The following PRDM1 variants were observed in gnomAD, a reference collection of about 807,000 sequenced individuals.
PRDM1 encodes PR domain zinc finger protein 1.
Under a neutral mutation model 62.8 loss-of-function variants are expected in PRDM1, and 13 were observed. The observed-to-expected ratio is 0.21, with a 90% CI of 0.13 to 0.33. The LOEUF (loss-of-function observed/expected upper bound fraction) is 0.33. Ranked by LOEUF, PRDM1 falls within the 10% of genes least tolerant of loss-of-function variation. The pLI, the probability that PRDM1 is intolerant of heterozygous loss-of-function variation, is 1.00. For synonymous variants in PRDM1, 396 were observed against 417.6 expected, an observed-to-expected ratio of 0.95 and a Z score of 0.63; for missense variants, 895 against 1,058.8, an observed-to-expected ratio of 0.85 and a Z score of 2.15.
chr6:106,087,734 C>T (rs1452679294), intron 1 of PRDM1: 2 of 233,062 alleles, frequency 8.6e-6, no homozygotes, highest in Non-Finnish European at 1.7e-5. Context: ...GCACCACACG[C>T]GCTTTCCATT....
chr6:106,006,104 C>A (rs954304939), intron 1 of PRDM1, among the ~76,000 whole-genome samples: 1 of 152,170 alleles, frequency 6.6e-6, no homozygotes, highest in East Asian at 1.9e-4. Flanking sequence ...CGAAGGTGTC[C>A]GATTCCTCTG....
intron 1 of PRDM1, among the ~76,000 whole-genome samples, chr6:106,076,313 G>C (rs1424070574): frequency 6.6e-6 from 1 of 152,144 alleles, no homozygotes; most frequent in Non-Finnish European, 1.5e-5. Context: ...CATGATTGAA[G>C]TCTTAGGTGG....
In PRDM1 at chr6:106,022,677, G is replaced by A. The variant is rs140755716; in HGVS notation, c.-67+29038G>A. Among the ~76,000 whole-genome samples the A allele has an allele frequency of 2.8e-3, 428 of 151,966 alleles. 1 individual carries two copies. Among genetic ancestry groups the A allele is most frequent in the Non-Finnish European group, 4.5e-3 (308 of 67,976 alleles). On this transcript the variant is annotated intron_variant, in intron 1 of 6. Coordinates refer to the PRDM1 transcript ENST00000652320. ...TGAGTTCAAGTGATCTGCCCACCTC[G>A]GCCTCCCAAAGTGCTGGGATTACAG... is the stretch of plus-strand genomic sequence containing the variant.
chr6:106,055,782 A>G (rs1167633121), intron 1 of PRDM1, among the ~76,000 whole-genome samples: 1 of 152,176 alleles, frequency 6.6e-6, no homozygotes, highest in Admixed American at 6.6e-5. Context: ...GGTTCTGGAG[A>G]GTCATGGGTA....
chr6:106,062,634 T>C (rs1349007039), intron 1 of PRDM1, among the ~76,000 whole-genome samples: 3 of 152,228 alleles, frequency 2.0e-5, no homozygotes, highest in Non-Finnish European at 4.4e-5. Context: ...AGAAAAGGTT[T>C]TGAATAGCTT....
At chr6:106,031,015 A>ATT (rs1185282795) in intron 1 of PRDM1, among the ~76,000 whole-genome samples, 2 of 116,892 alleles carry the variant, frequency 1.7e-5, no homozygotes, top group Non-Finnish European at 3.7e-5. Flanking sequence ...TTTTTTTCTG[A>ATT]TTTTTTTTTC....
At chr6:106,090,482 T>G (rs975543241) in intron 2 of PRDM1, among the ~76,000 whole-genome samples, 1 of 152,232 alleles carries the variant, frequency 6.6e-6, no homozygotes, top group Non-Finnish European at 1.5e-5. Context: ...TAATACTGTC[T>G]TAAGCTTACT....
chr6:106,018,542 G>T (rs1423652534), intron 1 of PRDM1, among the ~76,000 whole-genome samples: 1 of 152,172 alleles, frequency 6.6e-6, no homozygotes, highest in Non-Finnish European at 1.5e-5. Context: ...GTTTTCTTCA[G>T]ACTCTTCTGG....
upstream of PRDM1, among the ~76,000 whole-genome samples, chr6:106,085,785 T>C (rs1773785835): frequency 6.9e-6 from 1 of 144,400 alleles, no homozygotes; most frequent in Admixed American, 7.5e-5. Flanking sequence ...TACTAAATAG[T>C]TAAAAGAGGA....
At chr6:106,073,105 C>CTTTTTTT (rs202236727) in intron 1 of PRDM1, among the ~76,000 whole-genome samples, 49 of 137,652 alleles carry the variant, frequency 3.6e-4, no homozygotes, top group African/African-American at 5.7e-4. Context: ...TTCCTCTTTT[C>CTTTTTTT]TTTTTTTTTT....
chr6:106,013,403 C>G (rs1772580689), intron 1 of PRDM1, among the ~76,000 whole-genome samples: 1 of 150,980 alleles, frequency 6.6e-6, no homozygotes, highest in Non-Finnish European at 1.5e-5. Flanking sequence ...TCTCAGCTCA[C>G]TGCAACCTCC....
At chr6:106,058,722 G>A (rs1310246576) in intron 1 of PRDM1, among the ~76,000 whole-genome samples, 1 of 152,054 alleles carries the variant, frequency 6.6e-6, no homozygotes. Flanking sequence ...ACAGGCATGC[G>A]CCACCATGCC....
At chr6:106,101,020 T>G (rs771010261) in intron 4 of PRDM1, among the ~76,000 whole-genome samples, 10 of 152,076 alleles carry the variant, frequency 6.6e-5, no homozygotes, top group Non-Finnish European at 1.3e-4. Flanking sequence ...CATCTGTGTA[T>G]GCCATGCCCA....
At chr6:106,062,174 C>A (rs1381401671) in intron 1 of PRDM1, among the ~76,000 whole-genome samples, 2 of 152,130 alleles carry the variant, frequency 1.3e-5, no homozygotes, top group African/African-American at 4.8e-5. Flanking sequence ...TATAGAGGTT[C>A]TTGATCATTT....
intron 1 of PRDM1, among the ~76,000 whole-genome samples, chr6:105,996,286 A>C (rs1029463422): frequency 6.6e-6 from 1 of 152,174 alleles, no homozygotes; most frequent in African/African-American, 2.4e-5. Context: ...CAAATTATCT[A>C]TAATTGTCAG....
chr6:106,025,716 T>C (rs569434340), intron 1 of PRDM1, among the ~76,000 whole-genome samples: 3 of 152,366 alleles, frequency 2.0e-5, no homozygotes, highest in Admixed American at 2.0e-4. Context: ...CATAGCATTA[T>C]TATGCATCAT....
intron 1 of PRDM1, among the ~76,000 whole-genome samples, chr6:106,059,074 A>G (rs1199772266): frequency 1.3e-5 from 2 of 152,206 alleles, no homozygotes; most frequent in African/African-American, 2.4e-5. Context: ...AAGATACAGC[A>G]GTAAAAACAA....
At chr6:106,099,222 G>A (rs192117390) in intron 3 of PRDM1, 78 bp from the exon 4 acceptor site, 91 of 1,603,630 alleles carry the variant, frequency 5.7e-5, no homozygotes, top group Admixed American at 1.2e-4. Context: ...ACACGGTACC[G>A]GCTGTGTTTA....
chr6:106,108,883 AC>A lies in PRDM1; in HGVS notation c.*1399del. On this transcript the variant is annotated 3_prime_UTR_variant, in exon 7 of 7. Coordinates refer to ENST00000369096, the MANE Select transcript of PRDM1 (RefSeq NM_001198.4). The stretch of plus-strand genomic sequence containing the variant: ...AATGATTTGCTTCTCTAGAGGAGAA[AC>A]CGAGTAAATGTGCTCCAGCAAGATA... The A allele has an allele frequency of 8.6e-6, 2 of 231,826 alleles. No individual in the cohort carries two copies. Among genetic ancestry groups the A allele is most frequent in the East Asian group, 1.2e-4 (2 of 16,400 alleles). 14.4% of individuals were successfully genotyped at this position (231,826 alleles called of 1,614,324 possible). A position where few individuals can be genotyped will look rare whatever the true frequency, so the allele number is the denominator to read the frequency against.
Sources: allele counts gnomAD v4.1 joint callset (sites outside exome capture counted in the v4.1 genomes callset), GRCh38; gene constraint gnomAD v4.1.1; transcripts MANE v1.5; gene names NCBI Gene and HGNC (gene_info 2026-07-23, HGNC 2026-07-21).